Variants in CNTNAP5 observed in about 807,000 individuals in gnomAD.
CNTNAP5 encodes the protein contactin associated protein family member 5, also known as contactin-associated protein-like 5.
Under a neutral mutation model 150.2 loss-of-function variants are expected in CNTNAP5, and 72 were observed. The ratio of observed to expected loss-of-function variants is 0.48; its 90% confidence interval spans 0.40 to 0.58. The LOEUF (loss-of-function observed/expected upper bound fraction) is 0.58, where lower values mean the gene tolerates loss of function less well. Ranked by LOEUF, CNTNAP5 falls within the 20% of genes least tolerant of loss-of-function variation. The probability of loss-of-function intolerance (pLI) is 0.00; values close to 1 mark genes in which losing one functional copy is unlikely to be tolerated. For synonymous variants in CNTNAP5, 672 were observed against 619.8 expected, an observed-to-expected ratio of 1.08 and a Z score of -1.25; for missense variants, 1,636 against 1,626.2, an observed-to-expected ratio of 1.01 and a Z score of -0.10.
intron 3 of CNTNAP5, among the ~76,000 whole-genome samples, chr2:124,359,044 T>A (rs1178382544): frequency 1.3e-5 from 2 of 150,960 alleles, no homozygotes; most frequent in Admixed American, 6.6e-5. Context: ...AGAGTGTATG[T>A]GTCCAGGAAT....
At chr2:124,892,698 T>C (rs1376284323) in intron 21 of CNTNAP5, among the ~76,000 whole-genome samples, 1 of 152,096 alleles carries the variant, frequency 6.6e-6, no homozygotes, top group Non-Finnish European at 1.5e-5. Flanking sequence ...AGGCAACCTT[T>C]ATGCAGACAC....
chr2:124,370,613 G>C (rs1690500548), intron 3 of CNTNAP5, among the ~76,000 whole-genome samples: 1 of 152,114 alleles, frequency 6.6e-6, no homozygotes, highest in Admixed American at 6.6e-5. Context: ...GTAAATTAGG[G>C]AAATAATGAA....
At chr2:124,507,942 A>T (rs182778529) in intron 8 of CNTNAP5, among the ~76,000 whole-genome samples, 1 of 152,224 alleles carries the variant, frequency 6.6e-6, no homozygotes, top group Non-Finnish European at 1.5e-5. Flanking sequence ...TGAAAATGGC[A>T]TCTCGTCACT....
intron 12 of CNTNAP5, among the ~76,000 whole-genome samples, chr2:124,634,674 ATT>A (rs35061273): frequency 6.6e-6 from 1 of 151,026 alleles, no homozygotes; most frequent in Non-Finnish European, 1.5e-5. Flanking sequence ...TGCCTGGCTA[ATT>A]TTTTTTTGAT....
chr2:124,546,919 T>A (rs933412039), intron 10 of CNTNAP5, among the ~76,000 whole-genome samples: 4 of 152,180 alleles, frequency 2.6e-5, no homozygotes, highest in African/African-American at 9.6e-5. Context: ...ATTATTGTGA[T>A]AAGCTAGCAC....
chr2:124,347,622 A>G (rs550387994), intron 3 of CNTNAP5, among the ~76,000 whole-genome samples: 1 of 152,252 alleles, frequency 6.6e-6, no homozygotes, highest in South Asian at 2.1e-4. Context: ...CTATTGACAC[A>G]CGTTTTGTGC....
intron 1 of CNTNAP5, among the ~76,000 whole-genome samples, chr2:124,118,234 A>G (rs1260250930): frequency 1.3e-5 from 2 of 152,174 alleles, no homozygotes; most frequent in Non-Finnish European, 2.9e-5. Flanking sequence ...CCCATGTTAT[A>G]CACACACATA....
chr2:124,481,048 G>T (rs1183062836), intron 7 of CNTNAP5, among the ~76,000 whole-genome samples: 1 of 152,198 alleles, frequency 6.6e-6, no homozygotes, highest in Non-Finnish European at 1.5e-5. Flanking sequence ...ATGAATAAGG[G>T]AAATTTATTT....
chr2:124,535,606 CA>C (rs1168717177), intron 10 of CNTNAP5, among the ~76,000 whole-genome samples: 1,491 of 75,982 alleles, frequency 0.02, 18 homozygotes, highest in African/African-American at 0.067. Flanking sequence ...TACTGAAATA[CA>C]AAAAAAAAAA....
chr2:124,204,131 C>G (rs1685803301), intron 1 of CNTNAP5, among the ~76,000 whole-genome samples: 1 of 152,170 alleles, frequency 6.6e-6, no homozygotes, highest in Non-Finnish European at 1.5e-5. Flanking sequence ...GTCTTGAAGG[C>G]TTTGCTGCTT....
chr2:124,471,406 A>G (rs1693511329), intron 6 of CNTNAP5, among the ~76,000 whole-genome samples: 1 of 152,128 alleles, frequency 6.6e-6, no homozygotes, highest in Admixed American at 6.6e-5. Context: ...TGATTTGTGT[A>G]CATAATTTTG....
intron 3 of CNTNAP5, among the ~76,000 whole-genome samples, chr2:124,353,649 T>C (rs1483530705): frequency 6.6e-6 from 1 of 152,208 alleles, no homozygotes; most frequent in Non-Finnish European, 1.5e-5. Context: ...ATACGAATTT[T>C]CTCACTTCTA....
intron 1 of CNTNAP5, among the ~76,000 whole-genome samples, chr2:124,210,833 C>G (rs1247751237): frequency 6.6e-6 from 1 of 152,080 alleles, no homozygotes; most frequent in Admixed American, 6.5e-5. Context: ...TTGGGAGGCC[C>G]TATTTTAACA....
intron 1 of CNTNAP5, among the ~76,000 whole-genome samples, chr2:124,038,994 C>A (rs1681295678): frequency 6.6e-6 from 1 of 152,152 alleles, no homozygotes; most frequent in African/African-American, 2.4e-5. Context: ...CAAATATGAT[C>A]TCTGCCCTAA....
At chr2:124,429,351 A>G (rs1692316487) in intron 4 of CNTNAP5, among the ~76,000 whole-genome samples, 1 of 152,222 alleles carries the variant, frequency 6.6e-6, no homozygotes, top group East Asian at 1.9e-4. Context: ...AAGTTAATGT[A>G]CATGCTAAAT....
intron 10 of CNTNAP5, among the ~76,000 whole-genome samples, chr2:124,543,016 G>A (rs921305756): frequency 1.3e-5 from 2 of 152,124 alleles, no homozygotes; most frequent in African/African-American, 4.8e-5. Context: ...AGGAGTTAAA[G>A]CCTTTCACTT....
intron 1 of CNTNAP5, among the ~76,000 whole-genome samples, chr2:124,034,433 AC>A (rs1284656109): frequency 1.5e-4 from 23 of 152,182 alleles, no homozygotes; most frequent in African/African-American, 5.3e-4. Context: ...TAAGACAAAT[AC>A]AAATTTGTTC....
intron 19 of CNTNAP5, among the ~76,000 whole-genome samples, chr2:124,808,827 A>C (rs1682138911): frequency 6.6e-6 from 1 of 152,050 alleles, no homozygotes; most frequent in Non-Finnish European, 1.5e-5. Flanking sequence ...CTTATTCTTT[A>C]GCATATAGAA....
intron 1 of CNTNAP5, among the ~76,000 whole-genome samples, chr2:124,028,305 G>T (rs1680953465): frequency 4.5e-5 from 1 of 22,020 alleles, no homozygotes; most frequent in South Asian, 2.8e-3. Context: ...TGGTGTGTAT[G>T]TGTGTGTTTT....
Sources: gnomAD v4.1 joint callset for allele counts (sites outside exome capture counted in the v4.1 genomes callset) on GRCh38, gnomAD v4.1.1 for gene constraint, MANE v1.5 for transcripts, NCBI Gene and HGNC (gene_info 2026-07-23, HGNC 2026-07-21) for gene names.